The following FOXJ3 variants were observed in gnomAD, a reference collection of about 807,000 sequenced individuals.
FOXJ3 encodes the protein forkhead box protein J3.
In FOXJ3, 22 loss-of-function variants were observed where a neutral mutation model predicts 76.1. The observed-to-expected ratio is 0.29, with a 90% CI of 0.21 to 0.41. FOXJ3 has a LOEUF of 0.41. Ranked by LOEUF, FOXJ3 falls within the 10% of genes least tolerant of loss-of-function variation. FOXJ3 has a pLI of 1.00. For missense variants in FOXJ3, 613 were observed against 762.1 expected, an observed-to-expected ratio of 0.80 and a Z score of 2.30; for synonymous variants, 269 against 261.2, an observed-to-expected ratio of 1.03 and a Z score of -0.29.
At chr1:42,185,056 G>C (rs1355565143) in intron 11 of FOXJ3, among the ~76,000 whole-genome samples, 1 of 151,982 alleles carries the variant, frequency 6.6e-6, no homozygotes, top group Non-Finnish European at 1.5e-5. Flanking sequence ...GAAAGATGGA[G>C]GGTTTTGAGC....
At chr1:42,200,409 T>C (rs1359500529) in intron 6 of FOXJ3, among the ~76,000 whole-genome samples, 1 of 152,208 alleles carries the variant, frequency 6.6e-6, no homozygotes, top group Non-Finnish European at 1.5e-5. Context: ...GCAACAGAGC[T>C]TTATTGTTTT....
chr1:42,179,957 AG>A, intron 12 of FOXJ3, 132 bp from the exon 13 acceptor site: 1 of 616,066 alleles, frequency 1.6e-6, no homozygotes, highest in East Asian at 2.8e-5. Context: ...GCCTTCAAAA[AG>A]TGGCTCTTAT....
intron 4 of FOXJ3, among the ~76,000 whole-genome samples, chr1:42,229,009 T>G (rs1027668302): frequency 6.6e-6 from 1 of 152,186 alleles, no homozygotes; most frequent in Non-Finnish European, 1.5e-5. Context: ...CCTCACACTT[T>G]ATGCCCAACA....
chr1:42,195,614 A>C (rs1279327802), intron 7 of FOXJ3, among the ~76,000 whole-genome samples: 1 of 152,224 alleles, frequency 6.6e-6, no homozygotes, highest in Non-Finnish European at 1.5e-5. Context: ...ACTAGAAATA[A>C]AATCAATAAA....
intron 4 of FOXJ3, among the ~76,000 whole-genome samples, chr1:42,250,379 C>T (rs1291568450): frequency 6.6e-6 from 1 of 152,006 alleles, no homozygotes; most frequent in African/African-American, 2.4e-5. Flanking sequence ...AAATAACACC[C>T]CAAAGGGAAG....
At chr1:42,223,786 C>A (rs931031418) in intron 5 of FOXJ3, among the ~76,000 whole-genome samples, 1 of 152,174 alleles carries the variant, frequency 6.6e-6, no homozygotes, top group Non-Finnish European at 1.5e-5. Flanking sequence ...GAGCTCACAA[C>A]AGAATATGCA....
chr1:42,219,673 G>C (rs972082981), intron 5 of FOXJ3, among the ~76,000 whole-genome samples: 2 of 152,180 alleles, frequency 1.3e-5, no homozygotes, highest in East Asian at 1.9e-4. Flanking sequence ...TGCCCAGCAT[G>C]GGGGCTTATG....
intron 5 of FOXJ3, 25 bp from the exon 6 acceptor site, chr1:42,205,888 A>G: frequency 7.4e-7 from 1 of 1,357,988 alleles, no homozygotes; most frequent in Admixed American, 1.7e-5. Flanking sequence ...CAAAATAAAT[A>G]ATTATTAGCT....
chr1:42,280,438 TAAAAAAAAAAA>T (rs71065112), intron 2 of FOXJ3: 251 of 77,572 alleles, frequency 3.2e-3, no homozygotes, highest in South Asian at 6.6e-3. Flanking sequence ...TCAGAGATCT[TAAAAAAAAAAA>T]AAAAAAAAAA....
chr1:42,295,975 T>C (rs1442946941), intron 2 of FOXJ3, among the ~76,000 whole-genome samples: 2 of 152,242 alleles, frequency 1.3e-5, no homozygotes, highest in Non-Finnish European at 2.9e-5. Context: ...CAGCAGTGCG[T>C]AAGCACTGCC....
At chr1:42,307,929 A>G (rs1005870686) in intron 2 of FOXJ3, among the ~76,000 whole-genome samples, 32 of 152,242 alleles carry the variant, frequency 2.1e-4, no homozygotes, top group African/African-American at 7.2e-4. Context: ...AGGATCCACT[A>G]TCATCCACAG....
intron 4 of FOXJ3, among the ~76,000 whole-genome samples, chr1:42,253,671 C>T (rs1455375328): frequency 1.3e-5 from 2 of 152,390 alleles, no homozygotes; most frequent in African/African-American, 4.8e-5. Context: ...ATATCTACAA[C>T]CATCTGATTT....
intron 6 of FOXJ3, among the ~76,000 whole-genome samples, chr1:42,203,964 C>G (rs905982370): frequency 2.0e-5 from 3 of 150,898 alleles, no homozygotes; most frequent in Admixed American, 6.6e-5. Flanking sequence ...GCACTGCACT[C>G]CAGTCTGGGC....
chr1:42,270,368 G>A (rs568574725), intron 3 of FOXJ3, among the ~76,000 whole-genome samples: 24 of 152,154 alleles, frequency 1.6e-4, no homozygotes, highest in African/African-American at 5.8e-4. Context: ...AATGTAAATA[G>A]GTTCCATGAG....
At chr1:42,326,263 G>A (rs1570265663) in intron 1 of FOXJ3, among the ~76,000 whole-genome samples, 2 of 152,172 alleles carry the variant, frequency 1.3e-5, no homozygotes, top group African/African-American at 2.4e-5. Flanking sequence ...AAAAAAGTCC[G>A]AAGATCCACA....
At position 42,191,503 on chromosome 1, in the gene FOXJ3, G is replaced by A. The variant is rs564473200; in HGVS notation, c.1151C>T (p.Pro384Leu). ...QMHTQPSPHP[P>L]HRPHGLPQHP... The stretch of plus-strand genomic sequence containing the variant: ...CTGCGGTAAACCATGCGGTCGATGG[G>A]GAGGATGTGGAGATGGCTGTGTGTG... The change falls in exon 9 of 13, where the codon CCC (proline) becomes CTC (leucine). Residue 384 changes from proline (P) to leucine (L), a missense_variant. Pro to Leu is a moderately conservative substitution (Grantham distance 98, BLOSUM62 -3). This residue lies in a region of FOXJ3 where 526 missense variants were observed against 601.4 expected (regional missense o/e 0.87). Transcript: ENST00000361346. 3 of 1,614,022 alleles carry A rather than the reference G, an allele frequency of 1.9e-6. No homozygotes were observed. Among genetic ancestry groups the A allele is most frequent in the Admixed American group, 1.7e-5 (1 of 59,994 alleles).
At chr1:42,257,085 T>C (rs1650653331) in intron 4 of FOXJ3, among the ~76,000 whole-genome samples, 2 of 152,222 alleles carry the variant, frequency 1.3e-5, no homozygotes, top group Admixed American at 6.5e-5. Flanking sequence ...ATCAAGATAA[T>C]GCATGTAAAA....
intron 3 of FOXJ3, among the ~76,000 whole-genome samples, chr1:42,275,144 A>G (rs1214260742): frequency 2.0e-5 from 3 of 152,216 alleles, no homozygotes; most frequent in Non-Finnish European, 2.9e-5. Context: ...AAAAACTTCA[A>G]TGAGGCACAA....
At chr1:42,181,870 CA>C in intron 12 of FOXJ3, 46 bp downstream of exon 12, 1 of 1,131,940 alleles carries the variant, frequency 8.8e-7, no homozygotes, top group East Asian at 2.4e-5. Context: ...AGTGCTCACA[CA>C]CACACACACA....
Sources: gnomAD v4.1 joint callset for allele counts (sites outside exome capture counted in the v4.1 genomes callset) on GRCh38, gnomAD v4.1.1 for gene constraint, gnomAD v4.1.1 regional missense constraint, MANE v1.5 for transcripts, NCBI Gene and HGNC (gene_info 2026-07-23, HGNC 2026-07-21) for gene names.